BICRA: variants seen among roughly 807,000 people sequenced by gnomAD.
The protein encoded by BICRA is BRD4 interacting chromatin remodeling complex associated protein.
Under a neutral mutation model 96.9 loss-of-function variants are expected in BICRA, and 31 were observed. That is an observed-to-expected ratio of 0.32 (90% CI 0.24 to 0.43). The LOEUF (loss-of-function observed/expected upper bound fraction) is 0.43. Among genes scored for constraint, BICRA ranks in the 20% least tolerant of loss-of-function variants. The probability of loss-of-function intolerance (pLI) is 1.00; values close to 1 mark genes in which losing one functional copy is unlikely to be tolerated. For missense variants in BICRA, 2,283 were observed against 2,190.3 expected (o/e 1.04, Z -0.84); for synonymous variants, 1,350 against 1,071.8 (o/e 1.26, Z -5.07).
intron 7 of BICRA, among the ~76,000 whole-genome samples, chr19:47,691,829 G>A (rs1039097808): frequency 8.5e-5 from 13 of 152,236 alleles, no homozygotes; most frequent in Admixed American, 4.6e-4. Flanking sequence ...CCAAAGTGCT[G>A]GGATTGCAAG....
intron 1 of BICRA, among the ~76,000 whole-genome samples, chr19:47,639,482 A>G (rs537753838): frequency 2.0e-5 from 3 of 151,214 alleles, no homozygotes; most frequent in Non-Finnish European, 4.4e-5. Context: ...GCCCGCTACT[A>G]CACACCAGGC....
intron 5 of BICRA, among the ~76,000 whole-genome samples, chr19:47,678,623 G>C (rs536200702): frequency 5.9e-5 from 9 of 152,174 alleles, no homozygotes; most frequent in African/African-American, 2.2e-4. Context: ...GGAGTACAGT[G>C]ACACAATCAT....
Position 47,702,508 on chromosome 19 carries a change from G to T in BICRA, c.*93G>T. The T allele has an allele frequency of 5.2e-6, 7 of 1,355,990 alleles. No homozygotes were observed. The highest frequency in any genetic ancestry group is 6.6e-6 in the Non-Finnish European group (7 of 1,054,902). 84.0% of individuals were successfully genotyped at this position (1,355,990 alleles called of 1,614,324 possible). ...CAGCCTCCTGGGGACTCGAGCCGGG[G>T]ATCCCCTGACGGTTTTTCTTGCCTA... is the stretch of plus-strand genomic sequence containing the variant. On this transcript the variant is annotated 3_prime_UTR_variant, in exon 15 of 15. Transcript: ENST00000594866.
At chr19:47,620,472 G>C (rs1425605569) in intron 1 of BICRA, among the ~76,000 whole-genome samples, 1 of 151,892 alleles carries the variant, frequency 6.6e-6, no homozygotes, top group Non-Finnish European at 1.5e-5. Context: ...TTTGAGACCA[G>C]CTTGGGCAAC....
rs984920731 is a variant in BICRA at position 47,680,906 on chromosome 19, C to A, written c.1736C>A (p.Ala579Asp). 2 of 1,483,584 alleles carry A rather than the reference C, an allele frequency of 1.3e-6. No homozygotes were observed. The highest frequency in any genetic ancestry group is 2.9e-5 in the African/African-American group (2 of 69,198). The allele number at this position is 1,483,584 out of a possible 1,614,324, so 91.9% of individuals were successfully genotyped here. A position where few individuals can be genotyped will look rare whatever the true frequency, so the allele number is the denominator to read the frequency against. Residue 579 changes from alanine to aspartate, a missense_variant, in exon 6 of 15, where the codon GCC becomes GAC. By Grantham distance (126) the Ala-to-Asp change is moderately radical. Transcript: ENST00000594866. ...CAGCCAGCGCCCGCCGGGCCGGCCG[C>A]CACCACTGTCCTCCAGGGGGTCACC... ...QSQPAPAGPAATTVLQGVTLP... is the reference protein window; with the variant it reads ...QSQPAPAGPADTTVLQGVTLP...
At position 47,702,610 on chromosome 19, in the gene BICRA, G is replaced by A. The variant is rs1445060069; in HGVS notation, c.*195G>A. 3.3e-6 allele frequency: 2 copies of A among 598,824 alleles called. No individual in the cohort carries two copies. The highest frequency in any genetic ancestry group is 8.2e-5 in the Admixed American group (2 of 24,532). 37.1% of individuals were successfully genotyped at this position (598,824 alleles called of 1,614,324 possible). ...TGCTGGGGGGTGGGCGTGGATTTAG[G>A]GAGGGGGCTGTGATGTAAAACGTCT... On this transcript the variant is annotated 3_prime_UTR_variant, in exon 15 of 15. Transcript: ENST00000594866.
Position 47,701,987 on chromosome 19 carries a change from G to T in BICRA, c.4255G>T (p.Ala1419Ser), listed in dbSNP as rs542928438. 3.4e-6 allele frequency: 5 copies of T among 1,478,906 alleles called. No homozygotes were observed. The highest frequency in any genetic ancestry group is 4.4e-6 in the Non-Finnish European group (5 of 1,124,000). The allele number at this position is 1,478,906 out of a possible 1,614,324, so 91.6% of individuals were successfully genotyped here. ...GGGAGGCAGCCCGGCGCCGCTGCCC[G>T]CCAAAGTGGACGAGGCCACCAGCGG... is the stretch of plus-strand genomic sequence containing the variant. ...ARGGSPAPLP[A>S]KVDEATSGLI... Residue 1419 changes from alanine to serine, a missense_variant, in exon 15 of 15, where the codon GCC becomes TCC. Coordinates refer to ENST00000594866, the MANE Select transcript of BICRA (RefSeq NM_001394372.1). This position sits in a 1 kb window ranked among gnomAD's most constrained non-coding sequence, Gnocchi z 5.4.
At chr19:47,696,893 G>C (rs1033558472) in intron 11 of BICRA, among the ~76,000 whole-genome samples, 8 of 151,880 alleles carry the variant, frequency 5.3e-5, no homozygotes, top group Admixed American at 2.6e-4. Flanking sequence ...GAGGATGATG[G>C]GGGGGGTGTT....
Position 47,702,220 on chromosome 19 carries a change from G to A in BICRA, c.4488G>A (p.Thr1496=). Residue 1496 remains threonine, a synonymous_variant, in exon 15 of 15, where the codon ACG becomes ACA. Coordinates refer to ENST00000594866, the MANE Select transcript of BICRA (RefSeq NM_001394372.1). Reference sequence around the variant, plus strand: ...CCAGCGACAGCCCGCAGGATGACACGCTCACCGAGCACCTGCAGAGCGCCA... The same window carrying A: ...CCAGCGACAGCCCGCAGGATGACACACTCACCGAGCACCTGCAGAGCGCCA... ...SFSSDSPQDD[T]LTEHLQSAID... 1 of 1,598,336 alleles carries A rather than the reference G, an allele frequency of 6.3e-7. No individual in the cohort carries two copies. Among genetic ancestry groups the A allele is most frequent in the Non-Finnish European group, 8.5e-7 (1 of 1,177,510 alleles).
At chr19:47,627,891 T>A (rs1972164218) in intron 1 of BICRA, among the ~76,000 whole-genome samples, 1 of 152,178 alleles carries the variant, frequency 6.6e-6, no homozygotes, top group African/African-American at 2.4e-5. Flanking sequence ...TGCCTCAGCC[T>A]CCCAAGTAGC....
At position 47,702,291 on chromosome 19, in the gene BICRA, C is replaced by T; in HGVS notation, c.4559C>T (p.Ala1520Val). 6.3e-7 allele frequency: 1 copy of T among 1,592,104 alleles called. No homozygotes were observed. The highest frequency in any genetic ancestry group is 8.5e-7 in the Non-Finnish European group (1 of 1,175,304). Residue 1520 changes from alanine to valine, a missense_variant, in exon 15 of 15, where the codon GCG (alanine) becomes GTG (valine). Transcript: ENST00000594866. Reference protein sequence around the residue: ...NLQQAPGRTPAPSYPHAASAG... With the variant: ...NLQQAPGRTPVPSYPHAASAG... ...CAGCAGGCCCCCGGCCGGACGCCCG[C>T]GCCCTCGTACCCCCACGCTGCCTCG...
At position 47,702,110 on chromosome 19, in the gene BICRA, G is replaced by T. The variant is rs781600201; in HGVS notation, c.4378G>T (p.Gly1460Trp). The T allele has an allele frequency of 1.3e-6, 2 of 1,523,978 alleles. No homozygotes were observed. The highest frequency in any genetic ancestry group is 1.7e-6 in the Non-Finnish European group (2 of 1,143,098). 94.4% of individuals were successfully genotyped at this position (1,523,978 alleles called of 1,614,324 possible). A position where few individuals can be genotyped will look rare whatever the true frequency, so the allele number is the denominator to read the frequency against. ...EPAASAAQGT[G>W]DPDWEAPGLP... is the part of the protein sequence containing the mutation. ...CGCAGCCAGCGCCGCCCAAGGCACC[G>T]GGGACCCCGACTGGGAGGCGCCCGG... The change falls in exon 15 of 15, where the codon GGG (glycine) becomes TGG (tryptophan). Residue 1460 changes from glycine to tryptophan, a missense_variant. Physicochemically the swap from Gly to Trp is radical, Grantham distance 184. Transcript: ENST00000594866.
chr19:47,701,886 T>C lies in BICRA; in HGVS notation c.4154T>C (p.Leu1385Pro), dbSNP rs1973459136. 6 of 1,466,290 alleles carry C rather than the reference T, an allele frequency of 4.1e-6. No individual in the cohort carries two copies. The highest frequency in any genetic ancestry group is 4.5e-6 in the Non-Finnish European group (5 of 1,115,816). 90.8% of individuals were successfully genotyped at this position (1,466,290 alleles called of 1,614,324 possible). The change falls in exon 15 of 15, where the codon CTG (leucine) becomes CCG (proline). Residue 1385 changes from leucine (L) to proline (P), a missense_variant. Transcript: ENST00000594866. The surrounding 1 kb of genome is among the most constrained non-coding windows in gnomAD (Gnocchi z 5.4). Reference sequence around the variant, plus strand: ...GGCACCGCCCCGCACTGCCCGCGCCTGCCACTGCGCAAGACCTACCGCGAG... The same window carrying C: ...GGCACCGCCCCGCACTGCCCGCGCCCGCCACTGCGCAAGACCTACCGCGAG... ...PLGTAPHCPR[L>P]PLRKTYRENV...
At chr19:47,610,304 C>A in intron 1 of BICRA, among the ~76,000 whole-genome samples, 1 of 152,226 alleles carries the variant, frequency 6.6e-6, no homozygotes, top group East Asian at 1.9e-4. Flanking sequence ...GACGAGGGAC[C>A]AGGGGCTGCT....
At chr19:47,694,077 A>ACCCCCCCCCCCCCCCC in intron 7 of BICRA, 38 bp from the exon 8 acceptor site, 4 of 1,410,510 alleles carry the variant, frequency 2.8e-6, no homozygotes, top group South Asian at 2.9e-5. Context: ...GTTGGTTCTG[A>ACCCCCCCCCCCCCCCC]CCCCCGCCCC....
intron 1 of BICRA, among the ~76,000 whole-genome samples, chr19:47,621,781 C>T (rs1375823872): frequency 6.6e-6 from 1 of 150,534 alleles, no homozygotes; most frequent in East Asian, 2.0e-4. Context: ...AATTGAGAGA[C>T]TTCTTTAACT....
rs527395477 is a variant in BICRA at position 47,702,090 on chromosome 19, C to G, written c.4358C>G (p.Ala1453Gly). 372 of 1,514,124 alleles carry G rather than the reference C, an allele frequency of 2.5e-4. No homozygotes were observed. The highest frequency in any genetic ancestry group is 3.2e-4 in the Admixed American group (15 of 46,294). 93.8% of individuals were successfully genotyped at this position (1,514,124 alleles called of 1,614,324 possible). ...MLKGPPPEPA[A>G]SAAQGTGDPD... Reference sequence around the variant, plus strand: ...AAGGGCCCCCCGCCAGAGCCCGCAGCCAGCGCCGCCCAAGGCACCGGGGAC... The same window carrying G: ...AAGGGCCCCCCGCCAGAGCCCGCAGGCAGCGCCGCCCAAGGCACCGGGGAC... The change falls in exon 15 of 15, where the codon GCC becomes GGC. Residue 1453 changes from alanine (A) to glycine (G), a missense_variant. Physicochemically the swap from Ala to Gly is moderately conservative, Grantham distance 60. Transcript: ENST00000594866.
At position 47,680,373 on chromosome 19, in the gene BICRA, G is replaced by A. The variant is rs1449943270; in HGVS notation, c.1203G>A (p.Ala401=). Residue 401 remains alanine, a synonymous_variant, in exon 6 of 15, where the codon GCG becomes GCA. Coordinates refer to ENST00000594866, the MANE Select transcript of BICRA (RefSeq NM_001394372.1). ...PKAPQNLTFM[A]AGKAGQNVVL... The stretch of plus-strand genomic sequence containing the variant: ...CCCCGCAGAACCTGACGTTCATGGC[G>A]GCGGGGAAGGCGGGCCAGAACGTGG... The A allele has an allele frequency of 1.3e-6, 2 of 1,530,084 alleles. No homozygotes were observed. Among genetic ancestry groups the A allele is most frequent in the South Asian group, 1.2e-5 (1 of 83,538 alleles). The allele number at this position is 1,530,084 out of a possible 1,614,324, so 94.8% of individuals were successfully genotyped here.
intron 1 of BICRA, among the ~76,000 whole-genome samples, chr19:47,660,912 A>G (rs1599828867): frequency 6.6e-6 from 1 of 152,168 alleles, no homozygotes; most frequent in South Asian, 2.1e-4. Context: ...GAATGAAATG[A>G]TAAGATGAAG....
Sources: allele counts gnomAD v4.1 joint callset (sites outside exome capture counted in the v4.1 genomes callset), GRCh38; gene constraint gnomAD v4.1.1; non-coding constraint Gnocchi (gnomAD v3.1); transcripts MANE v1.5; gene names NCBI Gene and HGNC (gene_info 2026-07-23, HGNC 2026-07-21).